WDR20: variants seen among roughly 807,000 people sequenced by gnomAD.
WDR20 encodes WD repeat domain 20, also known as WD repeat-containing protein 20.
In WDR20, 3 loss-of-function variants were observed where a neutral mutation model predicts 38.7. The observed-to-expected ratio is 0.08, with a 90% CI of 0.04 to 0.20. The LOEUF (loss-of-function observed/expected upper bound fraction) is 0.20. Ranked by LOEUF, WDR20 falls within the 10% of genes least tolerant of loss-of-function variation. WDR20 has a pLI of 1.00. For synonymous variants in WDR20, 298 were observed against 285.6 expected (o/e 1.04, Z -0.44); for missense variants, 559 against 727.7 (o/e 0.77, Z 2.67).
chr14:102,199,032 G>A (rs2059872680), intron 2 of WDR20, among the ~76,000 whole-genome samples: 1 of 152,084 alleles, frequency 6.6e-6, no homozygotes, highest in African/African-American at 2.4e-5. Context: ...GAGAGATGAT[G>A]GTGAGAACAA....
intron 1 of WDR20, among the ~76,000 whole-genome samples, chr14:102,173,917 G>A (rs1173517721): frequency 5.9e-5 from 9 of 152,014 alleles, no homozygotes; most frequent in African/African-American, 1.4e-4. Context: ...GGTGGCGGGC[G>A]CCTGTAGTCT....
chr14:102,141,506 T>TG (rs1272354630), intron 1 of WDR20, among the ~76,000 whole-genome samples: 3 of 152,152 alleles, frequency 2.0e-5, no homozygotes, highest in Admixed American at 2.0e-4. Context: ...TTTCCTCGTT[T>TG]GGAATTGCAA....
At position 102,209,476 on chromosome 14, in the gene WDR20, C is replaced by G. The variant is rs1350768993; in HGVS notation, c.1306C>G (p.Pro436Ala). The change falls in exon 3 of 3, where the codon CCA (proline) becomes GCA (alanine). Residue 436 changes from proline to alanine, a missense_variant. Physicochemically the swap from Pro to Ala is conservative, Grantham distance 27. Coordinates refer to ENST00000342702, the MANE Select transcript of WDR20 (RefSeq NM_144574.4). This position sits in a 1 kb window ranked among gnomAD's most constrained non-coding sequence, Gnocchi z 6.0. Reference sequence around the variant, plus strand: ...TCCTCTGCCACGGTCCAACAGCCTTCCACATTCAGCAGTCTCAAATGCTGG... The same window carrying G: ...TCCTCTGCCACGGTCCAACAGCCTTGCACATTCAGCAGTCTCAAATGCTGG... ...PPPLPRSNSL[P>A]HSAVSNAGSK... 2 of 1,614,242 alleles carry G rather than the reference C, an allele frequency of 1.2e-6. No individual in the cohort carries two copies.
chr14:102,203,384 A>C (rs2060867519), intron 2 of WDR20, among the ~76,000 whole-genome samples: 1 of 152,268 alleles, frequency 6.6e-6, no homozygotes, highest in South Asian at 2.1e-4. Context: ...TTTTTTTCAT[A>C]CCACATTTTT....
At chr14:102,165,154 C>T (rs1315776344) in intron 1 of WDR20, among the ~76,000 whole-genome samples, 1 of 151,822 alleles carries the variant, frequency 6.6e-6, no homozygotes, top group Admixed American at 6.6e-5. Flanking sequence ...CTGTGGCTCT[C>T]CCCTCCTCAG....
At chr14:102,218,697 C>T (rs901097362), downstream of WDR20, among the ~76,000 whole-genome samples, 2 of 151,882 alleles carry the variant, frequency 1.3e-5, no homozygotes, top group African/African-American at 4.9e-5. Flanking sequence ...AAAACAGTGA[C>T]TCTGCGGGGA....
chr14:102,164,882 T>C lies in WDR20; in HGVS notation c.249+24710T>C, dbSNP rs146163675. Among the ~76,000 whole-genome samples, 1,132 of 152,370 alleles carry C rather than the reference T, an allele frequency of 7.4e-3. 16 individuals carry two copies. The highest frequency in any genetic ancestry group is 0.025 in the African/African-American group (1,059 of 41,586). On this transcript the variant is annotated intron_variant, in intron 1 of 2. Coordinates refer to ENST00000342702, the MANE Select transcript of WDR20 (RefSeq NM_144574.4). ...TTTTTGTTCCTAAAATTGTTTCTTG[T>C]GCCTTTTCTCCATCACCAAAGGAAA...
chr14:102,168,142 T>C (rs1286775626), intron 1 of WDR20, among the ~76,000 whole-genome samples: 1 of 152,186 alleles, frequency 6.6e-6, no homozygotes, highest in African/African-American at 2.4e-5. Context: ...TATCTTACCA[T>C]AGCACTGGTA....
In WDR20 at chr14:102,210,060, G is replaced by C. The variant is rs2062246400; in HGVS notation, c.*180G>C. 1 of 1,382,740 alleles carries C rather than the reference G, an allele frequency of 7.2e-7. No individual in the cohort carries two copies. 85.7% of individuals were successfully genotyped at this position (1,382,740 alleles called of 1,614,324 possible). A position where few individuals can be genotyped will look rare whatever the true frequency, so the allele number is the denominator to read the frequency against. Reference sequence around the variant, plus strand: ...CTGAATCATTTGATAATTTACCTTAGAGCATTTAAAAAAATATAATCAAAC... The same window carrying C: ...CTGAATCATTTGATAATTTACCTTACAGCATTTAAAAAAATATAATCAAAC... On this transcript the variant is annotated 3_prime_UTR_variant, in exon 3 of 3. Coordinates refer to ENST00000342702, the MANE Select transcript of WDR20 (RefSeq NM_144574.4).
chr14:102,180,918 G>GT (rs1453005632), intron 1 of WDR20, among the ~76,000 whole-genome samples: 1 of 152,136 alleles, frequency 6.6e-6, no homozygotes, highest in Non-Finnish European at 1.5e-5. Flanking sequence ...GCTGACTAGA[G>GT]TTTTTTTGGT....
At chr14:102,173,069 C>T (rs1223756972) in intron 1 of WDR20, among the ~76,000 whole-genome samples, 3 of 150,646 alleles carry the variant, frequency 2.0e-5, no homozygotes, top group Admixed American at 6.6e-5. Context: ...CGGGAAGAGG[C>T]GCTCCTCACT....
chr14:102,214,155 G>T, downstream of WDR20: 2 of 985,656 alleles, frequency 2.0e-6, 1 homozygote, highest in South Asian at 9.4e-5. Context: ...GTGGGTAGGG[G>T]TCGGGTGACC....
chr14:102,146,727 C>A (rs942882500), intron 1 of WDR20, among the ~76,000 whole-genome samples: 12 of 152,096 alleles, frequency 7.9e-5, no homozygotes, highest in Non-Finnish European at 1.3e-4. Context: ...AAAAATTTCC[C>A]CCCCACAGAC....
chr14:102,218,026 C>T (rs777591305), downstream of WDR20, among the ~76,000 whole-genome samples: 3 of 152,226 alleles, frequency 2.0e-5, no homozygotes, highest in South Asian at 2.1e-4. Flanking sequence ...CTCCACAGCA[C>T]GCCGGCCAGC....
At chr14:102,213,415 C>A, downstream of WDR20, 1 of 985,448 alleles carries the variant, frequency 1.0e-6, no homozygotes, top group African/African-American at 1.7e-5. Flanking sequence ...ATTGAACCTT[C>A]TAGCAGTTTG....
intron 1 of WDR20, among the ~76,000 whole-genome samples, chr14:102,151,905 A>G (rs2056016304): frequency 1.3e-5 from 2 of 149,874 alleles, no homozygotes; most frequent in African/African-American, 4.9e-5. Context: ...ACCCACACCC[A>G]CCTGGCTAAT....
At chr14:102,201,071 G>A (rs963415225) in intron 2 of WDR20, among the ~76,000 whole-genome samples, 3 of 152,218 alleles carry the variant, frequency 2.0e-5, no homozygotes, top group Non-Finnish European at 4.4e-5. Flanking sequence ...AAGGAAATGA[G>A]CCCGTAATGA....
chr14:102,190,102 G>A, intron 1 of WDR20, among the ~76,000 whole-genome samples: 1 of 152,180 alleles, frequency 6.6e-6, no homozygotes, highest in Admixed American at 6.5e-5. Flanking sequence ...AGGGTGGAGA[G>A]GCAAGATGGT....
chr14:102,145,752 G>A (rs2053375259), intron 1 of WDR20, among the ~76,000 whole-genome samples: 1 of 148,494 alleles, frequency 6.7e-6, no homozygotes, highest in Non-Finnish European at 1.5e-5. Context: ...GCCCGGGCAA[G>A]AGAGTGAGAG....
Sources: gnomAD v4.1 joint callset for allele counts (sites outside exome capture counted in the v4.1 genomes callset) on GRCh38, gnomAD v4.1.1 for gene constraint, Gnocchi (gnomAD v3.1) non-coding constraint, MANE v1.5 for transcripts, NCBI Gene and HGNC (gene_info 2026-07-23, HGNC 2026-07-21) for gene names.